The following CLVS1 variants were observed in gnomAD, a reference collection of about 807,000 sequenced individuals.
The protein encoded by CLVS1 is clavesin-1.
Under a neutral mutation model 33.1 loss-of-function variants are expected in CLVS1, and 10 were observed. That is an observed-to-expected ratio of 0.30 (90% CI 0.19 to 0.51). The LOEUF is 0.51. Ranked by LOEUF, CLVS1 falls within the 20% of genes least tolerant of loss-of-function variation. The pLI is 0.97. For synonymous variants in CLVS1, 163 were observed against 166.1 expected, an observed-to-expected ratio of 0.98 and a Z score of 0.14; for missense variants, 343 against 433.4, an observed-to-expected ratio of 0.79 and a Z score of 1.85.
chr8:61,457,053 C>T lies in CLVS1; in HGVS notation c.742-1254C>T, dbSNP rs1472549149. 2.6e-5 allele frequency among the ~76,000 whole-genome samples: 4 copies of T among 151,814 alleles called. No homozygotes were observed. The East Asian group carries it at 7.9e-4, about 30-fold the overall frequency. ...CCTGGGTTCAAGTGATTCTCCTTCT[C>T]CAGCCTCCTGAGTAGCTGGGATTAC... On this transcript the variant is annotated intron_variant, in intron 4 of 5. Coordinates refer to ENST00000325897, the MANE Select transcript of CLVS1 (RefSeq NM_173519.3).
chr8:61,464,527 C>A (rs1222762013), intron 5 of CLVS1: 4 of 152,120 alleles, frequency 2.6e-5, no homozygotes, highest in Admixed American at 2.6e-4. Context: ...AGAGGCACTA[C>A]AAAGGAGGAG....
At chr8:61,435,909 C>T (rs1816314566) in intron 3 of CLVS1, among the ~76,000 whole-genome samples, 1 of 152,030 alleles carries the variant, frequency 6.6e-6, no homozygotes, top group African/African-American at 2.4e-5. Context: ...GTAAGAGAAA[C>T]AATTGTTCAT....
chr8:61,435,451 C>T (rs1253389865), intron 3 of CLVS1, among the ~76,000 whole-genome samples: 1 of 152,052 alleles, frequency 6.6e-6, no homozygotes, highest in Non-Finnish European at 1.5e-5. Context: ...TGAATATTTT[C>T]ATTCTTCGGC....
intron 3 of CLVS1, among the ~76,000 whole-genome samples, chr8:61,392,715 C>T (rs779305061): frequency 8.6e-5 from 13 of 151,608 alleles, no homozygotes; most frequent in Non-Finnish European, 1.5e-4. Flanking sequence ...AGAAAACTAG[C>T]TGGGCTTGGT....
At chr8:61,101,393 T>A (rs921207820) in intron 1 of CLVS1, among the ~76,000 whole-genome samples, 4 of 152,202 alleles carry the variant, frequency 2.6e-5, no homozygotes, top group Admixed American at 2.0e-4. Flanking sequence ...TGTTTGTATG[T>A]CTTACATGTG....
chr8:61,193,966 G>GTAA lies in CLVS1; in HGVS notation c.-152+62108_-152+62110dup, dbSNP rs1807549500. Among the ~76,000 whole-genome samples, 5 of 152,174 alleles carry GTAA rather than the reference G, an allele frequency of 3.3e-5. No individual in the cohort carries two copies. The South Asian group carries it at 1.0e-3, about 32-fold the overall frequency. ...TGAAAGGAATCCATTCTAAGTACTT[G>GTAA]TAATGTCTTGGATTAAAGTTATTAA... On this transcript the variant is annotated intron_variant, in intron 2 of 2. Coordinates refer to the CLVS1 transcript ENST00000522621.
chr8:61,315,600 T>G (rs1204237315), intron 2 of CLVS1, among the ~76,000 whole-genome samples: 1 of 152,206 alleles, frequency 6.6e-6, no homozygotes, highest in Non-Finnish European at 1.5e-5. Flanking sequence ...GCAGGGACAT[T>G]GACAAGGGTC....
At chr8:61,482,767 A>G (rs549981016) in intron 5 of CLVS1, among the ~76,000 whole-genome samples, 65 of 152,362 alleles carry the variant, frequency 4.3e-4, no homozygotes, top group African/African-American at 1.5e-3. Flanking sequence ...CAATCAACCT[A>G]GAACTCAGGA....
chr8:61,144,513 A>G (rs1291676110), intron 2 of CLVS1, among the ~76,000 whole-genome samples: 1 of 152,092 alleles, frequency 6.6e-6, no homozygotes, highest in Non-Finnish European at 1.5e-5. Flanking sequence ...TGCTGCAATA[A>G]CATATGTGTG....
chr8:61,484,057 A>C (rs1224534937), intron 5 of CLVS1, among the ~76,000 whole-genome samples: 1 of 152,070 alleles, frequency 6.6e-6, no homozygotes, highest in Non-Finnish European at 1.5e-5. Flanking sequence ...CTCTCTCACC[A>C]CTCCTATTCA....
At chr8:61,332,671 C>G (rs899671652) in intron 2 of CLVS1, among the ~76,000 whole-genome samples, 1 of 152,112 alleles carries the variant, frequency 6.6e-6, no homozygotes, top group Non-Finnish European at 1.5e-5. Flanking sequence ...GACAGAGTCT[C>G]TCTCTGTTGC....
chr8:61,193,765 A>C (rs1373755980), intron 2 of CLVS1, among the ~76,000 whole-genome samples: 1 of 151,966 alleles, frequency 6.6e-6, no homozygotes, highest in East Asian at 1.9e-4. Context: ...ACCCAAGCAG[A>C]AGAAAAACAC....
intron 3 of CLVS1, 162 bp downstream of exon 3, chr8:61,376,941 C>T: frequency 5.4e-6 from 3 of 560,102 alleles, no homozygotes; most frequent in Non-Finnish European, 8.8e-6. Flanking sequence ...GTTTTAGATG[C>T]TTTTTAAAAT....
intron 2 of CLVS1, among the ~76,000 whole-genome samples, chr8:61,351,133 T>G (rs1307688074): frequency 6.6e-6 from 1 of 152,112 alleles, no homozygotes; most frequent in South Asian, 2.1e-4. Flanking sequence ...CATCCCAGGA[T>G]GTTCTAAATA....
intron 2 of CLVS1, among the ~76,000 whole-genome samples, chr8:61,151,371 G>T (rs138061119): frequency 6.6e-6 from 1 of 152,006 alleles, no homozygotes; most frequent in Non-Finnish European, 1.5e-5. Flanking sequence ...GTTAATATTC[G>T]CAATAACCCT....
rs968134395 is a variant in CLVS1, at chr8:61,501,420, G to C, written c.*1878G>C. On this transcript the variant is annotated 3_prime_UTR_variant, in exon 6 of 6. Coordinates refer to ENST00000325897, the MANE Select transcript of CLVS1 (RefSeq NM_173519.3). ...TACCATATTATATTTACTAAGTTAA[G>C]AGCTAGTTTTTACTCTCTTCCATAA... 1 of 152,092 alleles carries C rather than the reference G, an allele frequency of 6.6e-6. No homozygotes were observed. The highest frequency in any genetic ancestry group is 2.4e-5 in the African/African-American group (1 of 41,438). The allele number at this position is 152,092 out of a possible 1,614,324, so 9.4% of individuals were successfully genotyped here.
At chr8:61,236,613 T>C (rs974633032) in intron 2 of CLVS1, among the ~76,000 whole-genome samples, 1 of 152,288 alleles carries the variant, frequency 6.6e-6, no homozygotes, top group African/African-American at 2.4e-5. Flanking sequence ...AGCCTTTTTC[T>C]TTTTGTGAAA....
the CLVS1 span, among the ~76,000 whole-genome samples, chr8:61,032,592 T>C: frequency 2.0e-5 from 3 of 152,108 alleles, no homozygotes; most frequent in African/African-American, 7.2e-5. Flanking sequence ...TATCCAGGCC[T>C]CTAAGCTATA....
intron 2 of CLVS1, among the ~76,000 whole-genome samples, chr8:61,187,148 A>G (rs1232118852): frequency 6.6e-6 from 1 of 152,084 alleles, no homozygotes; most frequent in Non-Finnish European, 1.5e-5. Flanking sequence ...TTTTCCACAG[A>G]AAAGACTCTC....
Sources: allele counts gnomAD v4.1 joint callset (sites outside exome capture counted in the v4.1 genomes callset), GRCh38; gene constraint gnomAD v4.1.1; transcripts MANE v1.5; gene names NCBI Gene and HGNC (gene_info 2026-07-23, HGNC 2026-07-21).